EMP2: variants seen among roughly 807,000 people sequenced by gnomAD.
EMP2 encodes the protein epithelial membrane protein 2.
A neutral mutation model predicts 13.7 loss-of-function variants in EMP2; 19 were observed. The observed-to-expected ratio is 1.38, with a 90% CI of 0.97 to 2.03. EMP2 has a LOEUF of 2.03. Ranked by LOEUF, EMP2 falls within the 30% of genes most tolerant of loss-of-function variation. The probability of loss-of-function intolerance (pLI) is 0.00; values close to 1 mark genes in which losing one functional copy is unlikely to be tolerated. For synonymous variants in EMP2, 97 were observed against 84.7 expected (o/e 1.15, Z -0.80); for missense variants, 253 against 220.7 (o/e 1.15, Z -0.93).
chr16:10,555,737 G>A (rs1011443999), intron 1 of EMP2, among the ~76,000 whole-genome samples: 6 of 151,984 alleles, frequency 3.9e-5, no homozygotes, highest in Admixed American at 1.3e-4. Context: ...ACAGGCATGC[G>A]CCACCACGCC....
chr16:10,566,057 C>A (rs1239735830), intron 1 of EMP2, among the ~76,000 whole-genome samples: 2 of 152,198 alleles, frequency 1.3e-5, no homozygotes, highest in African/African-American at 4.8e-5. Context: ...GATTATTTTT[C>A]TAGCATCCAG....
intron 1 of EMP2, among the ~76,000 whole-genome samples, chr16:10,579,097 A>G (rs2051004055): frequency 6.6e-6 from 1 of 152,178 alleles, no homozygotes; most frequent in African/African-American, 2.4e-5. Context: ...AGCGTGCTGG[A>G]AACAGCTCAG....
chr16:10,579,852 C>T (rs1036453712), intron 1 of EMP2, among the ~76,000 whole-genome samples: 5 of 152,160 alleles, frequency 3.3e-5, no homozygotes, highest in African/African-American at 4.8e-5. Flanking sequence ...CACATCTTCA[C>T]CTAAAAGACC....
At chr16:10,578,605 G>A (rs1596385152) in intron 1 of EMP2, among the ~76,000 whole-genome samples, 1 of 152,158 alleles carries the variant, frequency 6.6e-6, no homozygotes, top group Non-Finnish European at 1.5e-5. Context: ...TCACAGGGAC[G>A]CTTCCGCCTG....
In EMP2 at chr16:10,580,382, A is replaced by G. The variant is rs1309546492; in HGVS notation, c.-61+167T>C. 6.6e-6 allele frequency among the ~76,000 whole-genome samples: 1 copy of G among 152,190 alleles called. No individual in the cohort carries two copies. Among genetic ancestry groups the G allele is most frequent in the Non-Finnish European group, 1.5e-5 (1 of 68,016 alleles). ...GGCCGGAGCGAGCGTGGCGCAGACCAGAGGTCGGCGGCATGGGTGGCACCT... is the reference window on the plus strand; with the variant it reads ...GGCCGGAGCGAGCGTGGCGCAGACCGGAGGTCGGCGGCATGGGTGGCACCT... On this transcript the variant is annotated intron_variant, in intron 1 of 4. Transcript: ENST00000359543. The surrounding 1 kb of genome is among the most constrained non-coding windows in gnomAD (Gnocchi z 4.3).
chr16:10,542,533 C>A (rs1401675144), intron 3 of EMP2, among the ~76,000 whole-genome samples: 1 of 150,740 alleles, frequency 6.6e-6, no homozygotes, highest in Non-Finnish European at 1.5e-5. Context: ...AAAAACAGTA[C>A]TTATTGTTTA....
chr16:10,537,522 A>T (rs72781725), intron 4 of EMP2, among the ~76,000 whole-genome samples: 18,011 of 151,898 alleles, frequency 0.12, 1,380 homozygotes, highest in African/African-American at 0.22. Flanking sequence ...TTCCCACTGC[A>T]CTCCAGCCCC....
intron 3 of EMP2, 52 bp downstream of exon 3, chr16:10,543,518 C>G: frequency 6.3e-7 from 1 of 1,593,990 alleles, no homozygotes; most frequent in Non-Finnish European, 8.6e-7. Flanking sequence ...CACTCCTGAC[C>G]GTTCCTTCCT....
intron 1 of EMP2, among the ~76,000 whole-genome samples, chr16:10,555,202 G>C (rs1296896899): frequency 6.6e-6 from 1 of 152,192 alleles, no homozygotes; most frequent in Non-Finnish European, 1.5e-5. Flanking sequence ...CCCTATCTCA[G>C]TGGGATACTC....
At chr16:10,566,449 C>G (rs968690437) in intron 1 of EMP2, among the ~76,000 whole-genome samples, 3 of 152,194 alleles carry the variant, frequency 2.0e-5, no homozygotes, top group Non-Finnish European at 4.4e-5. Flanking sequence ...TAAAGAGGCA[C>G]TAAACACCTT....
At chr16:10,553,841 T>A (rs1212352717) in intron 1 of EMP2, among the ~76,000 whole-genome samples, 1 of 152,240 alleles carries the variant, frequency 6.6e-6, no homozygotes, top group East Asian at 1.9e-4. Flanking sequence ...CTTATTTCTT[T>A]GCACACATTG....
In EMP2 at chr16:10,580,043, C is replaced by G. The variant is rs1466017773; in HGVS notation, c.-61+506G>C. 1.3e-5 allele frequency among the ~76,000 whole-genome samples: 2 copies of G among 152,230 alleles called. No homozygotes were observed. Among genetic ancestry groups the G allele is most frequent in the African/African-American group, 2.4e-5 (1 of 41,472 alleles). On this transcript the variant is annotated intron_variant, in intron 1 of 4. Transcript: ENST00000359543. This position sits in a 1 kb window ranked among gnomAD's most constrained non-coding sequence, Gnocchi z 4.3. ...CAGCAGCGCCTCCCGGCTCCTCCAC[C>G]GTTCCTGACCCCCAAGAAGTCGCTC... is the stretch of plus-strand genomic sequence containing the variant.
intron 1 of EMP2, among the ~76,000 whole-genome samples, chr16:10,574,734 T>C (rs973131738): frequency 6.6e-6 from 1 of 151,826 alleles, no homozygotes; most frequent in African/African-American, 2.4e-5. Context: ...GTATTTTTAG[T>C]AGAGACAGGG....
intron 3 of EMP2, 66 bp downstream of exon 3, chr16:10,543,504 G>A: frequency 6.4e-7 from 1 of 1,562,694 alleles, no homozygotes; most frequent in Non-Finnish European, 8.8e-7. Context: ...GGAACCCGAA[G>A]CCTCACTCCT....
intron 1 of EMP2, among the ~76,000 whole-genome samples, chr16:10,552,446 C>A (rs1335634723): frequency 6.6e-6 from 1 of 152,178 alleles, no homozygotes; most frequent in Admixed American, 6.5e-5. Flanking sequence ...CAACATTGAA[C>A]CACATGGTGA....
At chr16:10,534,728 TG>T (rs1051417148) in intron 4 of EMP2, among the ~76,000 whole-genome samples, 15 of 152,214 alleles carry the variant, frequency 9.9e-5, no homozygotes, top group Non-Finnish European at 2.9e-5. Context: ...GTCGCACCCC[TG>T]CACTCCAGCT....
At chr16:10,556,952 A>G (rs2050833213) in intron 1 of EMP2, among the ~76,000 whole-genome samples, 1 of 152,196 alleles carries the variant, frequency 6.6e-6, no homozygotes, top group Non-Finnish European at 1.5e-5. Context: ...CTTTGTGTCC[A>G]CTGAGCTTTG....
At chr16:10,561,963 G>C (rs916288813) in intron 1 of EMP2, among the ~76,000 whole-genome samples, 1 of 152,246 alleles carries the variant, frequency 6.6e-6, no homozygotes, top group Non-Finnish European at 1.5e-5. Flanking sequence ...TCCAGGCCCA[G>C]ATGGCTTCAT....
chr16:10,575,234 A>ATTTTTTTTTT (rs1261477826), intron 1 of EMP2, among the ~76,000 whole-genome samples: 3 of 53,370 alleles, frequency 5.6e-5, no homozygotes, highest in African/African-American at 1.3e-4. Flanking sequence ...TGGAGCTTGC[A>ATTTTTTTTTT]TTCTTTTTTT....
Sources: allele counts gnomAD v4.1 joint callset (sites outside exome capture counted in the v4.1 genomes callset), GRCh38; gene constraint gnomAD v4.1.1; non-coding constraint Gnocchi (gnomAD v3.1); transcripts MANE v1.5; gene names NCBI Gene and HGNC (gene_info 2026-07-23, HGNC 2026-07-21).